The following GFM2 variants were observed in gnomAD, a reference collection of about 807,000 sequenced individuals.
GFM2 encodes ribosome-releasing factor 2, mitochondrial.
In GFM2, 72 loss-of-function variants were observed where a neutral mutation model predicts 95.4. The ratio of observed to expected loss-of-function variants is 0.76; its 90% CI spans 0.62 to 0.92. The LOEUF (loss-of-function observed/expected upper bound fraction) is 0.92. GFM2 is among the 40% of genes least tolerant of loss of function. The probability of loss-of-function intolerance (pLI) is 0.00; values close to 1 mark genes in which losing one functional copy is unlikely to be tolerated. For missense variants in GFM2, 825 were observed against 924.1 expected (o/e 0.89, Z 1.39); for synonymous variants, 276 against 317.5 (o/e 0.87, Z 1.39).
At chr5:74,756,384 GT>G (rs1283487276) in intron 5 of GFM2, among the ~76,000 whole-genome samples, 1 of 152,098 alleles carries the variant, frequency 6.6e-6, no homozygotes, top group African/African-American at 2.4e-5. Flanking sequence ...AATAACAGAT[GT>G]TGGAGTGGAT....
In GFM2 at chr5:74,722,212, T is replaced by C. The variant is rs1344177292; in HGVS notation, c.2211+167A>G. The C allele has an allele frequency of 4.7e-6, 3 of 634,394 alleles. No homozygotes were observed. The East Asian group carries it at 8.3e-5, about 18-fold the overall frequency. 39.3% of individuals were successfully genotyped at this position (634,394 alleles called of 1,614,324 possible). ...TATAATCCCTGGATTTCGCCAACAATTTAAATTCAAAGTCCTAACCATTCC... is the reference window on the plus strand; with the variant it reads ...TATAATCCCTGGATTTCGCCAACAACTTAAATTCAAAGTCCTAACCATTCC... On this transcript the variant is annotated intron_variant, in intron 20 of 20. Coordinates refer to ENST00000296805, the MANE Select transcript of GFM2 (RefSeq NM_032380.5).
chr5:74,758,237 G>T (rs920493082), intron 5 of GFM2, among the ~76,000 whole-genome samples: 1 of 152,002 alleles, frequency 6.6e-6, no homozygotes, highest in African/African-American at 2.4e-5. Flanking sequence ...ACATTCCTAG[G>T]CAATATAACT....
chr5:74,723,128 G>T (rs991161232), intron 19 of GFM2, among the ~76,000 whole-genome samples: 2 of 152,092 alleles, frequency 1.3e-5, no homozygotes, highest in African/African-American at 2.4e-5. Flanking sequence ...AAAAAAGATT[G>T]AATTCTGCAT....
At chr5:74,756,636 C>T (rs1455594447) in intron 5 of GFM2, among the ~76,000 whole-genome samples, 2 of 151,250 alleles carry the variant, frequency 1.3e-5, no homozygotes. Flanking sequence ...TACTAGCTTA[C>T]ATTCCCACTA....
chr5:74,751,501 G>C lies in GFM2; in HGVS notation c.305-8C>G, dbSNP rs1347951868. Reference sequence around the variant, plus strand: ...TGTCTCCATCATCAACATCTAGCCAGGAAAAAGATGATACAGTTTAGTCTT... The same window carrying C: ...TGTCTCCATCATCAACATCTAGCCACGAAAAAGATGATACAGTTTAGTCTT... On this transcript the variant is annotated splice_region_variant and splice_polypyrimidine_tract_variant and intron_variant, in intron 5 of 20. Transcript: ENST00000296805. 1.2e-6 allele frequency: 2 copies of C among 1,602,366 alleles called. No homozygotes were observed. The highest frequency in any genetic ancestry group is 2.2e-5 in the East Asian group (1 of 44,800).
chr5:74,742,906 A>C (rs1743182656), intron 10 of GFM2, among the ~76,000 whole-genome samples: 1 of 152,130 alleles, frequency 6.6e-6, no homozygotes, highest in Non-Finnish European at 1.5e-5. Flanking sequence ...TGACCTCGTG[A>C]TCTGCCCACC....
Position 74,722,294 on chromosome 5 carries a change from T to C in GFM2, c.2211+85A>G, listed in dbSNP as rs113923552. On this transcript the variant is annotated intron_variant, in intron 20 of 20. Transcript: ENST00000296805. ...TCTAAATCAAAGCCTTAATGTTTCT[T>C]TCAGGTTACTGATTGTCTATTCATT... 2.0e-4 allele frequency: 219 copies of C among 1,078,416 alleles called. No homozygotes were observed. In the African/African-American group the frequency reaches 3.0e-3, roughly 15 times the overall value. 66.8% of individuals were successfully genotyped at this position (1,078,416 alleles called of 1,614,324 possible).
chr5:74,743,171 G>A (rs970451533), intron 10 of GFM2, among the ~76,000 whole-genome samples: 2 of 152,128 alleles, frequency 1.3e-5, no homozygotes, highest in African/African-American at 4.8e-5. Flanking sequence ...ATGGATTTGG[G>A]TTGCTTCTAC....
intron 5 of GFM2, among the ~76,000 whole-genome samples, chr5:74,755,033 T>G (rs1232277026): frequency 6.6e-6 from 1 of 151,890 alleles, no homozygotes; most frequent in African/African-American, 2.4e-5. Context: ...GAGGTGGAGG[T>G]TGCAATGAGC....
chr5:74,766,768 G>T (rs1231393711), intron 1 of GFM2, among the ~76,000 whole-genome samples, 170 bp downstream of exon 1: 1 of 152,226 alleles, frequency 6.6e-6, no homozygotes, highest in Non-Finnish European at 1.5e-5. Flanking sequence ...CGACTTCGCC[G>T]AATGATAGAG....
intron 17 of GFM2, among the ~76,000 whole-genome samples, chr5:74,727,856 C>G (rs1750218540): frequency 6.6e-6 from 1 of 152,024 alleles, no homozygotes; most frequent in African/African-American, 2.4e-5. Context: ...AAATTAACAT[C>G]TATCATGTCA....
chr5:74,727,374 T>C (rs1750196776), intron 17 of GFM2, among the ~76,000 whole-genome samples: 1 of 152,160 alleles, frequency 6.6e-6, no homozygotes, highest in East Asian at 1.9e-4. Context: ...TTCTAAGCAA[T>C]AGTTTACTTC....
At chr5:74,723,474 G>C (rs752203112) in intron 19 of GFM2, among the ~76,000 whole-genome samples, 9 of 152,088 alleles carry the variant, frequency 5.9e-5, no homozygotes, top group Non-Finnish European at 1.2e-4. Flanking sequence ...CAAGTAAGCT[G>C]TAAGATTTTT....
At chr5:74,738,188 T>C in intron 14 of GFM2, 130 bp downstream of exon 14, 1 of 682,416 alleles carries the variant, frequency 1.5e-6, no homozygotes, top group East Asian at 2.7e-5. Context: ...TTGACAAATA[T>C]GCCATAATAT....
chr5:74,744,525 T>C (rs928231341), intron 10 of GFM2, among the ~76,000 whole-genome samples: 5 of 152,164 alleles, frequency 3.3e-5, no homozygotes, highest in African/African-American at 1.2e-4. Context: ...TTTATTGCCA[T>C]ATATACTAAC....
At chr5:74,751,867 C>T (rs61093699) in intron 5 of GFM2, among the ~76,000 whole-genome samples, 21,362 of 152,132 alleles carry the variant, frequency 0.14, 1,837 homozygotes, top group African/African-American at 0.21. Flanking sequence ...CACAGACAGA[C>T]ATAGCTTTAA....
Position 74,751,436 on chromosome 5 carries a change from A to G in GFM2, c.362T>C (p.Ile121Thr). 1 of 1,610,406 alleles carries G rather than the reference A, an allele frequency of 6.2e-7. No homozygotes were observed. The change falls in exon 6 of 21, where the codon ATT becomes ACT. Residue 121 changes from isoleucine (I) to threonine (T), a missense_variant. Physicochemically the swap from Ile to Thr is moderately conservative, Grantham distance 89. Coordinates refer to ENST00000296805, the MANE Select transcript of GFM2 (RefSeq NM_032380.5). ...TGTAACAGCAGCTGATTGAATAGTA[A>G]TGCCTCTTTCTCGCTCTTGGGCCAT... ...DFMAQERERG[I>T]TIQSAAVTFD...
chr5:74,766,921 C>G lies in GFM2; in HGVS notation c.-25+17G>C. The G allele has an allele frequency of 6.4e-6, 1 of 156,714 alleles. No individual in the cohort carries two copies. The highest frequency in any genetic ancestry group is 6.4e-5 in the Admixed American group (1 of 15,600). 9.7% of individuals were successfully genotyped at this position (156,714 alleles called of 1,614,324 possible). ...GTCACAGGCGCGCGATGTCTCACAG[C>G]TCGGAGCAGTACTCACCTGGCATTA... On this transcript the variant is annotated intron_variant, in intron 1 of 20. Coordinates refer to ENST00000296805, the MANE Select transcript of GFM2 (RefSeq NM_032380.5).
At chr5:74,741,474 CA>C in intron 11 of GFM2, 54 bp downstream of exon 11, 1 of 822,926 alleles carries the variant, frequency 1.2e-6, no homozygotes, top group Non-Finnish European at 2.0e-6. Context: ...GCAGAGAAAT[CA>C]AACTACATCC....
Sources: gnomAD v4.1 joint callset for allele counts (sites outside exome capture counted in the v4.1 genomes callset) on GRCh38, gnomAD v4.1.1 for gene constraint, MANE v1.5 for transcripts, NCBI Gene and HGNC (gene_info 2026-07-23, HGNC 2026-07-21) for gene names.